Variants in PATJ observed in about 807,000 individuals in gnomAD.
PATJ encodes the protein inaD-like protein.
PATJ carries 190 observed loss-of-function variants against 224.9 expected under a neutral mutation model. The ratio of observed to expected loss-of-function variants is 0.84; its 90% CI spans 0.75 to 0.95. The LOEUF is 0.95. Among genes scored for constraint, PATJ ranks in the 40% least tolerant of loss-of-function variants. The pLI is 0.00. For missense variants in PATJ, 2,121 were observed against 2,270.3 expected (o/e 0.93, Z 1.34); for synonymous variants, 769 against 820.3 (o/e 0.94, Z 1.07).
At chr1:62,106,029 A>C (rs1385932858) in intron 33 of PATJ, among the ~76,000 whole-genome samples, 1 of 121,040 alleles carries the variant, frequency 8.3e-6, no homozygotes, top group Non-Finnish European at 1.7e-5. Context: ...TCTGGGCAAC[A>C]TAGTGAGACT....
intron 17 of PATJ, among the ~76,000 whole-genome samples, chr1:61,841,338 C>G (rs1364220264): frequency 3.3e-5 from 5 of 152,120 alleles, no homozygotes; most frequent in Non-Finnish European, 5.9e-5. Flanking sequence ...ATAGCCTGTG[C>G]AAGCCTACTG....
chr1:62,071,018 TG>T (rs2148684845), intron 31 of PATJ, among the ~76,000 whole-genome samples: 1 of 152,270 alleles, frequency 6.6e-6, no homozygotes, highest in East Asian at 1.9e-4. Flanking sequence ...AAAGGCTGTG[TG>T]AACATGCCTA....
chr1:61,958,387 T>C (rs575128339), intron 27 of PATJ, among the ~76,000 whole-genome samples: 1 of 152,336 alleles, frequency 6.6e-6, no homozygotes, highest in South Asian at 2.1e-4. Context: ...CAAATGGTAG[T>C]GGCAAATACT....
chr1:61,841,064 A>G (rs1202248287), intron 17 of PATJ, among the ~76,000 whole-genome samples: 1 of 152,128 alleles, frequency 6.6e-6, no homozygotes, highest in East Asian at 1.9e-4. Context: ...TATGGCGGTA[A>G]TTAATTTATT....
intron 30 of PATJ, among the ~76,000 whole-genome samples, chr1:62,049,924 G>A (rs1363537400): frequency 6.6e-6 from 1 of 152,008 alleles, no homozygotes; most frequent in African/African-American, 2.4e-5. Context: ...TTCGAGACCA[G>A]CCTTGCCAAC....
intron 33 of PATJ, among the ~76,000 whole-genome samples, chr1:62,104,279 G>A (rs111714231): frequency 0.033 from 5,088 of 152,138 alleles, 251 homozygotes; most frequent in African/African-American, 0.1. Context: ...AGTAATAAAG[G>A]TCAGTCTTTC....
At chr1:62,046,853 A>G (rs775398093) in intron 30 of PATJ, among the ~76,000 whole-genome samples, 2 of 152,188 alleles carry the variant, frequency 1.3e-5, no homozygotes, top group Non-Finnish European at 2.9e-5. Context: ...TGTGGTGTAG[A>G]CATAGAGAGT....
At chr1:62,041,571 A>T (rs1651478824) in intron 30 of PATJ, among the ~76,000 whole-genome samples, 1 of 152,172 alleles carries the variant, frequency 6.6e-6, no homozygotes, top group South Asian at 2.1e-4. Flanking sequence ...GGAAGTAGAG[A>T]GTCATGGATA....
Position 61,927,779 on chromosome 1 carries a change from C to T in PATJ, c.3620C>T (p.Ala1207Val), listed in dbSNP as rs1443958941. The change falls in exon 27 of 44, where the codon GCT becomes GTT. Residue 1207 changes from alanine to valine, a missense_variant. Physicochemically the swap from Ala to Val is moderately conservative, Grantham distance 64. Transcript: ENST00000642238. The part of the protein sequence containing the change: ...PPMKLPPPYK[A>V]LTDDSDENEE... ...ATGAAACTTCCTCCTCCTTATAAAGCTCTGACTGATGACAGTGATGAAAAT... is the reference window on the plus strand; with the variant it reads ...ATGAAACTTCCTCCTCCTTATAAAGTTCTGACTGATGACAGTGATGAAAAT... 1 of 1,613,610 alleles carries T rather than the reference C, an allele frequency of 6.2e-7. No homozygotes were observed. The highest frequency in any genetic ancestry group is 1.7e-5 in the Admixed American group (1 of 59,962).
chr1:61,893,198 C>G (rs2498985), intron 22 of PATJ, among the ~76,000 whole-genome samples: 36,159 of 152,026 alleles, frequency 0.24, 4,948 homozygotes, highest in African/African-American at 0.37. Flanking sequence ...CAAGTTTTAT[C>G]TCTCGTTAGG....
At chr1:62,039,920 C>G (rs576162158) in intron 30 of PATJ, among the ~76,000 whole-genome samples, 3 of 151,608 alleles carry the variant, frequency 2.0e-5, no homozygotes, top group Non-Finnish European at 2.9e-5. Flanking sequence ...TCATATCTCT[C>G]GAGGCAGTCT....
chr1:61,836,269 G>A lies in PATJ; in HGVS notation c.2112+2484G>A, dbSNP rs117885782. Among the ~76,000 whole-genome samples the A allele has an allele frequency of 7.2e-5, 11 of 152,150 alleles. No individual in the cohort carries two copies. The East Asian group carries it at 2.1e-3, about 29-fold the overall frequency. On this transcript the variant is annotated intron_variant, in intron 17 of 43. Coordinates refer to ENST00000642238, the MANE Select transcript of PATJ (RefSeq NM_001350145.3). ...CTTGAAATTTTATTTTTAATTTATA[G>A]AATTATAGGATTTTCCTTTTCCTCT...
At chr1:61,978,941 A>T (rs1644296882) in intron 27 of PATJ, among the ~76,000 whole-genome samples, 1 of 152,086 alleles carries the variant, frequency 6.6e-6, no homozygotes, top group Non-Finnish European at 1.5e-5. Flanking sequence ...TCCTATGATG[A>T]TAGGAAAACA....
chr1:61,772,293 G>T (rs1646665920), intron 6 of PATJ, among the ~76,000 whole-genome samples: 1 of 151,940 alleles, frequency 6.6e-6, no homozygotes, highest in Admixed American at 6.6e-5. Context: ...TTAAAGTAAG[G>T]TTTGATTATT....
intron 1 of PATJ, among the ~76,000 whole-genome samples, chr1:61,762,625 T>C (rs1646031280): frequency 6.6e-6 from 1 of 152,216 alleles, no homozygotes; most frequent in Non-Finnish European, 1.5e-5. Flanking sequence ...CTTAGCAATG[T>C]ACAATAATAG....
intron 17 of PATJ, among the ~76,000 whole-genome samples, chr1:61,845,878 T>C (rs952225005): frequency 1.3e-5 from 2 of 152,202 alleles, no homozygotes; most frequent in Non-Finnish European, 2.9e-5. Context: ...CCTTTCTTTA[T>C]GCATTCAAGA....
intron 31 of PATJ, among the ~76,000 whole-genome samples, chr1:62,055,834 C>T (rs1303398314): frequency 6.6e-6 from 1 of 152,136 alleles, no homozygotes; most frequent in African/African-American, 2.4e-5. Flanking sequence ...AATCGTCTCA[C>T]GTGTTATGGA....
At chr1:62,116,727 G>A (rs1462114040) in intron 36 of PATJ, 48 bp downstream of exon 36, 2 of 1,561,986 alleles carry the variant, frequency 1.3e-6, no homozygotes, top group Non-Finnish European at 1.7e-6. Context: ...CTGAAGTCCA[G>A]TGGGAACTGT....
intron 1 of PATJ, among the ~76,000 whole-genome samples, chr1:61,754,553 G>C (rs1267814915): frequency 6.7e-5 from 9 of 135,210 alleles, no homozygotes; most frequent in Non-Finnish European, 1.4e-4. Context: ...GTAGATACAG[G>C]GTTCTGCTAT....
Sources: gnomAD v4.1 joint callset for allele counts (sites outside exome capture counted in the v4.1 genomes callset) on GRCh38, gnomAD v4.1.1 for gene constraint, MANE v1.5 for transcripts, NCBI Gene and HGNC (gene_info 2026-07-23, HGNC 2026-07-21) for gene names.